BLTP1: variants seen among roughly 807,000 people sequenced by gnomAD.
BLTP1 encodes fragile site-associated protein.
the BLTP1 span, chr4:122,246,467 T>C: frequency 1.6e-6 from 1 of 607,662 alleles, no homozygotes; most frequent in Non-Finnish European, 2.1e-6. Flanking sequence ...AATAGTTTAC[T>C]TAAGCAGAAT....
chr4:122,264,375 G>A, the BLTP1 span: 1 of 1,611,400 alleles, frequency 6.2e-7, no homozygotes, highest in East Asian at 2.2e-5. Context: ...GATGTGGCAG[G>A]TGTAGAAGAA....
the BLTP1 span, chr4:122,362,145 C>G: frequency 6.2e-7 from 1 of 1,613,478 alleles, no homozygotes; most frequent in African/African-American, 1.3e-5. Flanking sequence ...AAAGAGGAGT[C>G]ATGGATCCAC....
the BLTP1 span, among the ~76,000 whole-genome samples, chr4:122,303,840 A>G: frequency 6.6e-6 from 1 of 152,188 alleles, no homozygotes; most frequent in East Asian, 1.9e-4. Context: ...TTCAGATAGA[A>G]TCTACTCCTG....
the BLTP1 span, among the ~76,000 whole-genome samples, chr4:122,335,363 G>A: frequency 6.6e-6 from 1 of 152,056 alleles, no homozygotes; most frequent in Non-Finnish European, 1.5e-5. Flanking sequence ...AATACCAGGA[G>A]GCAAGGATCA....
At chr4:122,270,259 A>G in the BLTP1 span, 4 of 516,746 alleles carry the variant, frequency 7.7e-6, no homozygotes, top group African/African-American at 4.2e-5. Flanking sequence ...CAAAATATCA[A>G]AGCAGCTTCT....
chr4:122,316,181 T>G, the BLTP1 span, among the ~76,000 whole-genome samples: 1 of 152,178 alleles, frequency 6.6e-6, no homozygotes, highest in Admixed American at 6.6e-5. Context: ...TACTATACAC[T>G]CTGTAGTTTC....
At chr4:122,269,364 G>C in the BLTP1 span, 2 of 967,056 alleles carry the variant, frequency 2.1e-6, no homozygotes, top group South Asian at 9.6e-5. Flanking sequence ...ACCTTCATTT[G>C]AGCACACAAG....
At chr4:122,258,804 T>C in the BLTP1 span, 9 of 1,613,722 alleles carry the variant, frequency 5.6e-6, no homozygotes, top group African/African-American at 1.3e-5. Flanking sequence ...GGAAACTTTC[T>C]AAAACTCATA....
chr4:122,324,312 T>G, the BLTP1 span: 5 of 1,077,654 alleles, frequency 4.6e-6, no homozygotes, highest in Non-Finnish European at 5.0e-6. Context: ...TTAAGTAACA[T>G]TAAAGTCCCC....
At chr4:122,324,098 T>C in the BLTP1 span, among the ~76,000 whole-genome samples, 1 of 151,988 alleles carries the variant, frequency 6.6e-6, no homozygotes, top group African/African-American at 2.4e-5. Context: ...CCCAAAACTT[T>C]AATTCTCAGT....
At chr4:122,192,366 G>A in the BLTP1 span, 297 of 1,606,482 alleles carry the variant, frequency 1.8e-4, 2 homozygotes, top group African/African-American at 3.6e-3. Flanking sequence ...TGGACCATGG[G>A]CCGATAGGCA....
At chr4:122,205,243 T>G in the BLTP1 span, among the ~76,000 whole-genome samples, 1 of 151,854 alleles carries the variant, frequency 6.6e-6, no homozygotes, top group Non-Finnish European at 1.5e-5. Context: ...TAATTTTCCT[T>G]AGGATATCTT....
the BLTP1 span, chr4:122,348,639 A>G: frequency 6.2e-7 from 1 of 1,612,480 alleles, no homozygotes. Context: ...ACCCCATGGG[A>G]AACACTTGTC....
At chr4:122,284,925 G>A in the BLTP1 span, among the ~76,000 whole-genome samples, 1 of 152,152 alleles carries the variant, frequency 6.6e-6, no homozygotes, top group Non-Finnish European at 1.5e-5. Context: ...CTGTATATGT[G>A]TACTCCCATC....
the BLTP1 span, among the ~76,000 whole-genome samples, chr4:122,159,142 G>A: frequency 2.6e-5 from 4 of 152,066 alleles, no homozygotes; most frequent in Admixed American, 2.6e-4. Flanking sequence ...ATTTCTTTTG[G>A]TTATAAGTAC....
At chr4:122,243,885 G>T in the BLTP1 span, 5 of 1,598,840 alleles carry the variant, frequency 3.1e-6, no homozygotes, top group East Asian at 2.3e-5. Flanking sequence ...AAAAAAACTC[G>T]CTGATAACAC....
chr4:122,343,414 A>T, the BLTP1 span: 1 of 1,613,716 alleles, frequency 6.2e-7, no homozygotes, highest in Non-Finnish European at 8.5e-7. Context: ...CTGTAGGTTC[A>T]TCGGGATTAG....
chr4:122,349,098 C>T, the BLTP1 span: 1 of 1,361,792 alleles, frequency 7.3e-7, no homozygotes, highest in African/African-American at 1.5e-5. The surrounding 1 kb of genome is among the most constrained non-coding windows in gnomAD (Gnocchi z 4.5). Context: ...TAATTTAAAT[C>T]CTGTTTTAAT....
the BLTP1 span, among the ~76,000 whole-genome samples, chr4:122,358,980 A>G: frequency 6.6e-6 from 1 of 152,024 alleles, no homozygotes; most frequent in Admixed American, 6.6e-5. Flanking sequence ...CCACTGTTCA[A>G]ATATATATAC....
Sources: gnomAD v4.1 joint callset for allele counts (sites outside exome capture counted in the v4.1 genomes callset) on GRCh38, gnomAD v4.1.1 for gene constraint, Gnocchi (gnomAD v3.1) non-coding constraint, MANE v1.5 for transcripts, NCBI Gene and HGNC (gene_info 2026-07-23, HGNC 2026-07-21) for gene names.